ASAH2: variants seen among roughly 807,000 people sequenced by gnomAD.
ASAH2 encodes N-acylsphingosine amidohydrolase 2.
Under a neutral mutation model 82.9 loss-of-function variants are expected in ASAH2, and 58 were observed. That is an observed-to-expected ratio of 0.70 (90% CI 0.57 to 0.87). The LOEUF (loss-of-function observed/expected upper bound fraction) is 0.87, where lower values mean the gene tolerates loss of function less well. Among genes scored for constraint, ASAH2 ranks in the 40% least tolerant of loss-of-function variants. ASAH2 has a pLI of 0.00. For synonymous variants in ASAH2, 276 were observed against 289.7 expected, an observed-to-expected ratio of 0.95 and a Z score of 0.48; for missense variants, 779 against 834.0, an observed-to-expected ratio of 0.93 and a Z score of 0.81.
intron 2 of ASAH2, among the ~76,000 whole-genome samples, chr10:50,246,537 C>A (rs956560352): frequency 6.6e-6 from 1 of 152,160 alleles, no homozygotes; most frequent in Non-Finnish European, 1.5e-5. Context: ...ATAGCTGATT[C>A]TTTCTGAAAT....
chr10:50,245,424 T>C lies in ASAH2; in HGVS notation c.158A>G (p.Gln53Arg), dbSNP rs1261506452. Residue 53 changes from glutamine to arginine, a missense_variant, in exon 3 of 21, where the codon CAA (glutamine) becomes CGA (arginine). Physicochemically the swap from Gln to Arg is conservative, Grantham distance 43. Around this residue, in one of 3 missense-constraint regions of ASAH2, gnomAD observed 759 missense variants for 755.2 expected, o/e 1.00. Transcript: ENST00000682911. ...DLGGHFFSTT[Q>R]SPPATQGSTA... ...GGAGCCCTGGGTGGCTGGAGGGCTT[T>C]GGGTGGTTGAAAAAAAATGGCCTCC... 7 of 1,613,630 alleles carry C rather than the reference T, an allele frequency of 4.3e-6. No individual in the cohort carries two copies. Among genetic ancestry groups the C allele is most frequent in the Non-Finnish European group, 5.9e-6 (7 of 1,179,924 alleles).
At chr10:50,208,278 A>G (rs1845357731) in intron 12 of ASAH2, among the ~76,000 whole-genome samples, 1 of 152,030 alleles carries the variant, frequency 6.6e-6, no homozygotes, top group Admixed American at 6.6e-5. Flanking sequence ...ACTTTTATTC[A>G]ACATTGTTCT....
chr10:50,203,831 A>G lies in ASAH2; in HGVS notation c.1626-152T>C, dbSNP rs1305090801. The G allele has an allele frequency of 1.5e-5, 11 of 726,258 alleles. No homozygotes were observed. The Admixed American group carries it at 1.5e-4, about 10-fold the overall frequency. The allele number at this position is 726,258 out of a possible 1,614,324, so 45.0% of individuals were successfully genotyped here. On this transcript the variant is annotated intron_variant, in intron 14 of 20. Coordinates refer to ENST00000682911, the MANE Select transcript of ASAH2 (RefSeq NM_019893.4). ...CAATGACTATGAAAAGCTAAACTTG[A>G]ACTTTTTTTCTGCCTGTCCTAGCTT...
At chr10:50,247,827 G>T (rs114159018) in intron 2 of ASAH2, among the ~76,000 whole-genome samples, 150 of 151,822 alleles carry the variant, frequency 9.9e-4, no homozygotes, top group African/African-American at 3.3e-3. Flanking sequence ...CAAAAACTTT[G>T]TTTCCAACAT....
At chr10:50,243,845 G>A (rs1846373695) in intron 3 of ASAH2, among the ~76,000 whole-genome samples, 1 of 152,192 alleles carries the variant, frequency 6.6e-6, no homozygotes, top group Non-Finnish European at 1.5e-5. Flanking sequence ...TTTGTTTTCT[G>A]AAGAAAGTGG....
chr10:50,234,279 A>T (rs1846090214), intron 6 of ASAH2, 146 bp downstream of exon 6: 1 of 1,161,832 alleles, frequency 8.6e-7, no homozygotes, highest in Non-Finnish European at 1.3e-6. Context: ...TGCTTGTTTT[A>T]GATTACACAG....
intron 9 of ASAH2, 22 bp downstream of exon 9, chr10:50,214,721 T>G: frequency 1.2e-6 from 2 of 1,613,292 alleles, no homozygotes; most frequent in Non-Finnish European, 1.7e-6. Context: ...AAACAAAGAT[T>G]TCATGTGTCA....
intron 2 of ASAH2, among the ~76,000 whole-genome samples, chr10:50,245,995 C>T (rs1327984218): frequency 6.6e-6 from 1 of 152,166 alleles, no homozygotes; most frequent in Non-Finnish European, 1.5e-5. Context: ...ATTTTTAATG[C>T]AACCTAGATC....
rs1318282045 is a variant in ASAH2 at position 50,206,389 on chromosome 10, A to T, written c.1415-292T>A. ...ATTACTCCTGCTCATTCATGTTGCAAATAAAAACAGTTTGACATAATTAAC... is the reference window on the plus strand; with the variant it reads ...ATTACTCCTGCTCATTCATGTTGCATATAAAAACAGTTTGACATAATTAAC... On this transcript the variant is annotated intron_variant, in intron 12 of 20. Transcript: ENST00000682911. Among the ~76,000 whole-genome samples, 3 of 151,892 alleles carry T rather than the reference A, an allele frequency of 2.0e-5. No individual in the cohort carries two copies. The East Asian group carries it at 5.8e-4, about 29-fold the overall frequency.
intron 7 of ASAH2, among the ~76,000 whole-genome samples, chr10:50,230,556 A>T (rs1845996805): frequency 6.6e-6 from 1 of 152,180 alleles, no homozygotes; most frequent in Non-Finnish European, 1.5e-5. Context: ...TACATCAAAG[A>T]TAACATACGG....
At chr10:50,204,796 G>A in intron 14 of ASAH2, 65 bp downstream of exon 14, 2 of 1,219,822 alleles carry the variant, frequency 1.6e-6, no homozygotes, top group Admixed American at 2.0e-5. Context: ...TTCATGATAA[G>A]AAGCAATTCC....
At chr10:50,210,669 G>A (rs905742726) in intron 12 of ASAH2, among the ~76,000 whole-genome samples, 154 bp downstream of exon 12, 8 of 152,116 alleles carry the variant, frequency 5.3e-5, no homozygotes, top group African/African-American at 1.4e-4. Context: ...TGGGGGCAGC[G>A]GGTGCGGTAC....
Position 50,210,686 on chromosome 10 carries a change from A to T in ASAH2, c.1414+137T>A, listed in dbSNP as rs1463042759. 38 of 837,686 alleles carry T rather than the reference A, an allele frequency of 4.5e-5. No individual in the cohort carries two copies. The African/African-American group carries it at 5.5e-4, about 12-fold the overall frequency. The allele number at this position is 837,686 out of a possible 1,614,324, so 51.9% of individuals were successfully genotyped here. A position where few individuals can be genotyped will look rare whatever the true frequency, so the allele number is the denominator to read the frequency against. On this transcript the variant is annotated intron_variant, in intron 12 of 20. Transcript: ENST00000682911. ...GGGGCAGCGGGTGCGGTACATGGTCATGTACAAACCTGGAAAACCAGCAGA... is the reference window on the plus strand; with the variant it reads ...GGGGCAGCGGGTGCGGTACATGGTCTTGTACAAACCTGGAAAACCAGCAGA...
chr10:50,223,451 G>A (rs1343113515), intron 7 of ASAH2, among the ~76,000 whole-genome samples: 2 of 152,130 alleles, frequency 1.3e-5, no homozygotes, highest in African/African-American at 4.8e-5. Flanking sequence ...CCAGAAAAGA[G>A]GATGCGTTTG....
intron 7 of ASAH2, among the ~76,000 whole-genome samples, chr10:50,232,422 T>C (rs895711835): frequency 7.9e-5 from 12 of 152,058 alleles, no homozygotes; most frequent in Non-Finnish European, 1.6e-4. Flanking sequence ...CCCAAGCCAT[T>C]TGACTGTAGC....
At chr10:50,207,542 T>C (rs1396735304) in intron 12 of ASAH2, among the ~76,000 whole-genome samples, 1 of 151,534 alleles carries the variant, frequency 6.6e-6, no homozygotes, top group Non-Finnish European at 1.5e-5. Flanking sequence ...TATAAGTAGT[T>C]GTACGCTAAC....
intron 8 of ASAH2, among the ~76,000 whole-genome samples, chr10:50,217,958 C>G (rs1845649362): frequency 6.6e-6 from 1 of 152,042 alleles, no homozygotes; most frequent in South Asian, 2.1e-4. Flanking sequence ...AACCCTGTCT[C>G]TACTAAAAAT....
chr10:50,218,735 T>C, intron 7 of ASAH2, 105 bp from the exon 8 acceptor site: 1 of 1,293,372 alleles, frequency 7.7e-7, no homozygotes, highest in South Asian at 1.2e-5. Context: ...AAAATATTTT[T>C]AAATAATAGA....
In ASAH2 at chr10:50,234,505, G is replaced by A; in HGVS notation, c.735C>T (p.Ile245=). Residue 245 remains isoleucine, a synonymous_variant, in exon 6 of 21, where the codon ATC becomes ATT. Coordinates refer to ENST00000682911, the MANE Select transcript of ASAH2 (RefSeq NM_019893.4). ...GCACACCATCCACATTTCCTTTATT[G>A]ATGAAGATTTTGCCTGGTTTCATAT... ...HTNMKPGKIF[I]NKGNVDGVQI... is the part of the protein sequence containing the mutation. 2 of 1,612,960 alleles carry A rather than the reference G, an allele frequency of 1.2e-6. No homozygotes were observed. The highest frequency in any genetic ancestry group is 1.7e-6 in the Non-Finnish European group (2 of 1,179,250).
Sources: gnomAD v4.1 joint callset for allele counts (sites outside exome capture counted in the v4.1 genomes callset) on GRCh38, gnomAD v4.1.1 for gene constraint, gnomAD v4.1.1 regional missense constraint, MANE v1.5 for transcripts, NCBI Gene and HGNC (gene_info 2026-07-23, HGNC 2026-07-21) for gene names.